The following DISC1 variants were observed in gnomAD, a reference collection of about 807,000 sequenced individuals.
The protein encoded by DISC1 is DISC1 scaffold protein, also known as disrupted in schizophrenia 1 protein.
Under a neutral mutation model 84.5 loss-of-function variants are expected in DISC1, and 57 were observed. The ratio of observed to expected loss-of-function variants is 0.67; its 90% confidence interval spans 0.55 to 0.84. The LOEUF is 0.84. DISC1 is among the 40% of genes least tolerant of loss of function. DISC1 has a pLI of 0.00. For missense variants in DISC1, 1,000 were observed against 1,057.8 expected (o/e 0.95, Z 0.76); for synonymous variants, 411 against 415.2 (o/e 0.99, Z 0.12).
intron 11 of DISC1, among the ~76,000 whole-genome samples, chr1:232,017,480 C>CTTTTTTT (rs56672398): frequency 3.8e-5 from 5 of 132,820 alleles, no homozygotes; most frequent in Non-Finnish European, 6.4e-5. Flanking sequence ...AACACCTGTC[C>CTTTTTTT]TTTTTTTTTT....
chr1:231,995,873 G>A (rs917625106), intron 10 of DISC1, among the ~76,000 whole-genome samples: 13 of 151,496 alleles, frequency 8.6e-5, no homozygotes, highest in African/African-American at 2.9e-4. Flanking sequence ...GGATGGCTGG[G>A]TCAAATGGTA....
intron 3 of DISC1, chr1:231,722,509 A>G: frequency 3.1e-6 from 5 of 1,614,010 alleles, no homozygotes; most frequent in South Asian, 1.1e-5. Flanking sequence ...TGTCCATTCC[A>G]CTCAGAGGTA....
chr1:231,831,770 G>A (rs2082244294), intron 9 of DISC1, among the ~76,000 whole-genome samples: 1 of 151,504 alleles, frequency 6.6e-6, no homozygotes, highest in Non-Finnish European at 1.5e-5. Flanking sequence ...TTTAGAGTCA[G>A]TATAAATATT....
chr1:231,692,696 A>G (rs1442691408), intron 1 of DISC1, among the ~76,000 whole-genome samples: 1 of 152,232 alleles, frequency 6.6e-6, no homozygotes, highest in African/African-American at 2.4e-5. Context: ...CTGATTTGCA[A>G]TGTGGCAGGG....
intron 9 of DISC1, among the ~76,000 whole-genome samples, chr1:231,868,388 A>G (rs2085206768): frequency 6.6e-6 from 1 of 151,794 alleles, no homozygotes; most frequent in South Asian, 2.1e-4. Flanking sequence ...TGGTTTTGCT[A>G]GGCAATACTG....
At chr1:231,841,171 A>C (rs544254813) in intron 9 of DISC1, among the ~76,000 whole-genome samples, 2 of 152,348 alleles carry the variant, frequency 1.3e-5, no homozygotes, top group South Asian at 4.1e-4. Flanking sequence ...AATTATGCAG[A>C]TCTTCCAAAA....
At chr1:232,022,569 G>A (rs1252980879) in intron 11 of DISC1, among the ~76,000 whole-genome samples, 1 of 152,068 alleles carries the variant, frequency 6.6e-6, no homozygotes, top group Non-Finnish European at 1.5e-5. Flanking sequence ...GCCTCCCAAA[G>A]TGCTGGGATT....
At chr1:231,717,510 G>T (rs114501115) in intron 3 of DISC1, among the ~76,000 whole-genome samples, 2,350 of 152,258 alleles carry the variant, frequency 0.015, 69 homozygotes, top group African/African-American at 0.054. Flanking sequence ...TGAGCCATAG[G>T]CGTGGGGTCC....
chr1:231,908,416 C>T (rs1356296888), intron 9 of DISC1, among the ~76,000 whole-genome samples: 1 of 152,112 alleles, frequency 6.6e-6, no homozygotes, highest in Non-Finnish European at 1.5e-5. Flanking sequence ...TTTCCAGCAC[C>T]ATTTATTAAA....
intron 9 of DISC1, among the ~76,000 whole-genome samples, chr1:231,908,011 T>C (rs2088869545): frequency 6.6e-6 from 1 of 152,224 alleles, no homozygotes; most frequent in African/African-American, 2.4e-5. Flanking sequence ...TGCTCACTTT[T>C]TGATGGGGTT....
chr1:231,786,274 A>G (rs1196014206), intron 6 of DISC1, among the ~76,000 whole-genome samples: 3 of 152,208 alleles, frequency 2.0e-5, no homozygotes, highest in Admixed American at 6.5e-5. Context: ...ATTTAGTCCA[A>G]CTTCCTCATT....
At chr1:231,771,612 G>C (rs1382921763) in intron 6 of DISC1, 2 of 984,848 alleles carry the variant, frequency 2.0e-6, no homozygotes, top group East Asian at 2.3e-4. Flanking sequence ...TCATTTTACA[G>C]GTGAGGAAAA....
At position 231,675,263 on chromosome 1, in the gene DISC1, CG is replaced by C. The variant is rs1558302738; in HGVS notation, c.68-18561del. Among the ~76,000 whole-genome samples, 1 of 151,898 alleles carries C rather than the reference CG, an allele frequency of 6.6e-6. No homozygotes were observed. Among genetic ancestry groups the C allele is most frequent in the African/African-American group, 2.4e-5 (1 of 41,328 alleles). On this transcript the variant is annotated intron_variant, in intron 1 of 12. Transcript: ENST00000439617. The surrounding 1 kb of genome is among the most constrained non-coding windows in gnomAD (Gnocchi z 4.1). Reference sequence around the variant, plus strand: ...GTAGCGCTGTCTTGGTGGATCCTGCCGGAATGACACATCTTTTTGCTTTGGG... The same window carrying C: ...GTAGCGCTGTCTTGGTGGATCCTGCCGAATGACACATCTTTTTGCTTTGGG...
chr1:231,944,737 A>G (rs1016212927), intron 9 of DISC1, among the ~76,000 whole-genome samples: 1 of 152,206 alleles, frequency 6.6e-6, no homozygotes, highest in Non-Finnish European at 1.5e-5. Context: ...GTGCACACTC[A>G]GAAGCCTAAG....
At chr1:231,720,320 G>A (rs1411371046) in intron 3 of DISC1, among the ~76,000 whole-genome samples, 1 of 151,888 alleles carries the variant, frequency 6.6e-6, no homozygotes, top group Non-Finnish European at 1.5e-5. Context: ...TTTACCATAG[G>A]ATGTTTTCTT....
At chr1:231,690,531 G>C (rs1046420977) in intron 1 of DISC1, among the ~76,000 whole-genome samples, 1 of 152,208 alleles carries the variant, frequency 6.6e-6, no homozygotes, top group African/African-American at 2.4e-5. Context: ...TTATGTGCTA[G>C]GAAAGGAGTA....
At chr1:232,035,927 T>C (rs1670477589) in intron 12 of DISC1, among the ~76,000 whole-genome samples, 1 of 152,222 alleles carries the variant, frequency 6.6e-6, no homozygotes, top group African/African-American at 2.4e-5. Flanking sequence ...TTCTCTATGA[T>C]TGTTTTCTCC....
At chr1:231,838,818 G>A (rs201822678) in intron 9 of DISC1, among the ~76,000 whole-genome samples, 6 of 152,154 alleles carry the variant, frequency 3.9e-5, no homozygotes, top group Admixed American at 6.5e-5. Flanking sequence ...CCTTGTCACC[G>A]CCTGGCCTCT....
At chr1:231,687,271 A>T (rs1237014279) in intron 1 of DISC1, among the ~76,000 whole-genome samples, 1 of 152,176 alleles carries the variant, frequency 6.6e-6, no homozygotes, top group Non-Finnish European at 1.5e-5. Context: ...ATAATGACAT[A>T]CCTGAGACTG....
Sources: gnomAD v4.1 joint callset for allele counts (sites outside exome capture counted in the v4.1 genomes callset) on GRCh38, gnomAD v4.1.1 for gene constraint, Gnocchi (gnomAD v3.1) non-coding constraint, MANE v1.5 for transcripts, NCBI Gene and HGNC (gene_info 2026-07-23, HGNC 2026-07-21) for gene names.